ASTN2: variants seen among roughly 807,000 people sequenced by gnomAD.
The protein encoded by ASTN2 is astrotactin 2.
In ASTN2, 54 loss-of-function variants were observed where a neutral mutation model predicts 139.8. The ratio of observed to expected loss-of-function variants is 0.39; its 90% confidence interval spans 0.31 to 0.48. ASTN2 has a LOEUF of 0.48. ASTN2 is among the 20% of genes least tolerant of loss of function. ASTN2 has a pLI of 0.95. For missense variants in ASTN2, 1,565 were observed against 1,725.1 expected, an observed-to-expected ratio of 0.91 and a Z score of 1.64; for synonymous variants, 756 against 719.5, an observed-to-expected ratio of 1.05 and a Z score of -0.81.
chr9:116,871,888 G>A (rs951965152), intron 10 of ASTN2, among the ~76,000 whole-genome samples: 1 of 152,178 alleles, frequency 6.6e-6, no homozygotes, highest in African/African-American at 2.4e-5. Flanking sequence ...GTGTAGAACA[G>A]TAGATAAGAG....
intron 10 of ASTN2, among the ~76,000 whole-genome samples, chr9:116,925,863 C>CACA (rs374230077): frequency 0.022 from 2,112 of 95,822 alleles, 74 homozygotes; most frequent in Admixed American, 0.12. Flanking sequence ...CACAACACAA[C>CACA]ACACACACAC....
intron 3 of ASTN2, among the ~76,000 whole-genome samples, chr9:117,186,403 C>T (rs1011747606): frequency 8.1e-4 from 123 of 151,958 alleles, no homozygotes; most frequent in African/African-American, 1.6e-3. Flanking sequence ...AAAAATTAGC[C>T]GGGTGTGGTG....
At chr9:116,870,935 A>G (rs1833147390) in intron 10 of ASTN2, among the ~76,000 whole-genome samples, 1 of 152,170 alleles carries the variant, frequency 6.6e-6, no homozygotes, top group South Asian at 2.1e-4. Flanking sequence ...GCTACCTGGG[A>G]AGGAGGAACC....
intron 5 of ASTN2, among the ~76,000 whole-genome samples, chr9:117,067,758 T>C: frequency 1.2e-5 from 1 of 84,198 alleles, no homozygotes; most frequent in Non-Finnish European, 2.6e-5. Flanking sequence ...TATTTTATTC[T>C]CTTTGAAGCA....
chr9:116,921,209 G>A (rs1439993141), intron 10 of ASTN2, among the ~76,000 whole-genome samples: 1 of 152,100 alleles, frequency 6.6e-6, no homozygotes, highest in Non-Finnish European at 1.5e-5. Context: ...CAGTATCAAG[G>A]GGGATGCTCT....
chr9:116,881,099 C>T lies in ASTN2; in HGVS notation c.1890-17366G>A, dbSNP rs562038262. Reference sequence around the variant, plus strand: ...ATAGAAAGACAGGATGGCTGCTAGACGACAGCACAAACAGAGTCACAGAAT... The same window carrying T: ...ATAGAAAGACAGGATGGCTGCTAGATGACAGCACAAACAGAGTCACAGAAT... On this transcript the variant is annotated intron_variant, in intron 10 of 22. Coordinates refer to ENST00000313400, the MANE Select transcript of ASTN2 (RefSeq NM_001365068.1). 1.1e-3 allele frequency among the ~76,000 whole-genome samples: 174 copies of T among 152,106 alleles called. 1 individual carries two copies. Among genetic ancestry groups the T allele is most frequent in the African/African-American group, 1.1e-3 (46 of 41,504 alleles).
At chr9:117,295,907 A>G (rs1226793963) in intron 1 of ASTN2, among the ~76,000 whole-genome samples, 1 of 152,076 alleles carries the variant, frequency 6.6e-6, no homozygotes, top group Admixed American at 6.6e-5. Flanking sequence ...GAGGAGGAGA[A>G]GGCATAGAGA....
intron 10 of ASTN2, among the ~76,000 whole-genome samples, chr9:116,925,261 T>A (rs1370119778): frequency 6.6e-5 from 10 of 152,190 alleles, no homozygotes; most frequent in Admixed American, 5.2e-4. Context: ...AATTATTCAG[T>A]GTCTCCTATG....
intron 22 of ASTN2, among the ~76,000 whole-genome samples, chr9:116,429,591 A>G (rs1847431783): frequency 6.6e-6 from 1 of 152,188 alleles, no homozygotes; most frequent in African/African-American, 2.4e-5. Flanking sequence ...GATGCTTGCT[A>G]GAAAGTATCA....
intron 17 of ASTN2, 125 bp downstream of exon 17, chr9:116,651,403 G>C (rs1296790980): frequency 2.7e-6 from 3 of 1,101,232 alleles, no homozygotes; most frequent in South Asian, 1.6e-5. Context: ...ATAAATGCTA[G>C]TAATCACCAT....
intron 3 of ASTN2, among the ~76,000 whole-genome samples, chr9:117,213,715 G>T (rs6478293): frequency 0.96 from 146,054 of 152,254 alleles, 70,171 homozygotes; most frequent in Non-Finnish European, 0.99. Context: ...CTCAGCCCTG[G>T]ATCATTCCTG....
At chr9:116,681,592 G>A (rs1859870667) in intron 16 of ASTN2, among the ~76,000 whole-genome samples, 3 of 152,136 alleles carry the variant, frequency 2.0e-5, no homozygotes, top group Non-Finnish European at 4.4e-5. Flanking sequence ...AAAGAACAAA[G>A]CTGGAAGCAT....
chr9:117,400,064 G>A (rs1830781403), intron 1 of ASTN2, among the ~76,000 whole-genome samples: 1 of 152,214 alleles, frequency 6.6e-6, no homozygotes, highest in African/African-American at 2.4e-5. Context: ...AAACCAGACT[G>A]GATGATTTCT....
At chr9:116,605,787 A>G (rs1855162456) in intron 19 of ASTN2, among the ~76,000 whole-genome samples, 1 of 152,136 alleles carries the variant, frequency 6.6e-6, no homozygotes, top group Non-Finnish European at 1.5e-5. Context: ...CTTTATTTCC[A>G]TCTGCCTCTA....
intron 13 of ASTN2, among the ~76,000 whole-genome samples, chr9:116,792,380 G>C (rs1043121002): frequency 2.0e-5 from 3 of 152,170 alleles, no homozygotes; most frequent in Non-Finnish European, 4.4e-5. Context: ...ACCTGAAGCA[G>C]AATGCAGCCC....
At chr9:116,728,809 G>A (rs1053364611) in intron 15 of ASTN2, among the ~76,000 whole-genome samples, 183 bp downstream of exon 15, 8 of 151,864 alleles carry the variant, frequency 5.3e-5, no homozygotes, top group Non-Finnish European at 1.0e-4. Context: ...TTATTGCATC[G>A]ACCCTACTGT....
chr9:117,125,526 T>C (rs1257292846), intron 4 of ASTN2, among the ~76,000 whole-genome samples: 1 of 152,166 alleles, frequency 6.6e-6, no homozygotes, highest in East Asian at 1.9e-4. Context: ...CTCAGATGCA[T>C]TTTCATTCTG....
chr9:117,120,264 G>A (rs1290344328), intron 4 of ASTN2, among the ~76,000 whole-genome samples: 2 of 151,578 alleles, frequency 1.3e-5, no homozygotes, highest in East Asian at 3.9e-4. Context: ...GAGTCATCAC[G>A]TTATGATGGC....
Position 116,960,467 on chromosome 9 carries a change from G to A in ASTN2, c.1889+14741C>T, listed in dbSNP as rs534998982. Among the ~76,000 whole-genome samples the A allele has an allele frequency of 1.1e-4, 5 of 47,490 alleles. No homozygotes were observed. The South Asian group carries it at 8.1e-3, about 77-fold the overall frequency. The allele number at this position is 47,490 out of a possible 152,430, so 31.2% of individuals were successfully genotyped here. ...TGTGGGTTTGAAATCATACCTTCTA[G>A]GCCTGATTTTTTTTTTTTTCATCCA... On this transcript the variant is annotated intron_variant, in intron 10 of 22. Transcript: ENST00000313400.
Sources: gnomAD v4.1 joint callset for allele counts (sites outside exome capture counted in the v4.1 genomes callset) on GRCh38, gnomAD v4.1.1 for gene constraint, MANE v1.5 for transcripts, NCBI Gene and HGNC (gene_info 2026-07-23, HGNC 2026-07-21) for gene names.